SMUG1: variants seen among roughly 807,000 people sequenced by gnomAD.
SMUG1 encodes single-strand-selective monofunctional uracil-DNA glycosylase 1.
Under a neutral mutation model 23.9 loss-of-function variants are expected in SMUG1, and 13 were observed. The observed-to-expected ratio is 0.54, with a 90% CI of 0.35 to 0.86. SMUG1 has a LOEUF of 0.86. Ranked by LOEUF, SMUG1 falls within the 40% of genes least tolerant of loss-of-function variation. The pLI is 0.01. For synonymous variants in SMUG1, 133 were observed against 139.8 expected (o/e 0.95, Z 0.34); for missense variants, 313 against 339.5 (o/e 0.92, Z 0.61).
intron 3 of SMUG1, chr12:54,182,985 G>T: frequency 4.4e-6 from 1 of 229,334 alleles, no homozygotes. Context: ...GGAGGCACAA[G>T]GATGGGCTGA....
At chr12:54,178,728 C>G (rs1940812620), downstream of SMUG1, among the ~76,000 whole-genome samples, 1 of 152,356 alleles carries the variant, frequency 6.6e-6, no homozygotes, top group South Asian at 2.1e-4. Context: ...ACCTCTTCAT[C>G]TTTTTCTCCA....
chr12:54,186,053 T>G (rs1292896500), intron 2 of SMUG1, among the ~76,000 whole-genome samples: 1 of 152,158 alleles, frequency 6.6e-6, no homozygotes, highest in East Asian at 1.9e-4. Context: ...ATGCCTTTCC[T>G]GCCTCAACTC....
At chr12:54,159,203 G>A (rs375344042) in intron 4 of SMUG1, among the ~76,000 whole-genome samples, 64 of 152,028 alleles carry the variant, frequency 4.2e-4, no homozygotes, top group African/African-American at 1.4e-3. Context: ...ATAACAGCCC[G>A]GCGTCGAGCC....
At chr12:54,172,431 C>T in intron 2 of SMUG1, 1 of 210,210 alleles carries the variant, frequency 4.8e-6, no homozygotes, top group East Asian at 1.0e-4. Context: ...TATGTTGGGG[C>T]GCCTGAGCAG....
At chr12:54,161,796 G>A (rs1244352545), downstream of SMUG1, among the ~76,000 whole-genome samples, 4 of 152,220 alleles carry the variant, frequency 2.6e-5, no homozygotes, top group Non-Finnish European at 4.4e-5. This position sits in a 1 kb window ranked among gnomAD's most constrained non-coding sequence, Gnocchi z 4.2. Context: ...CTCAGAGGCA[G>A]AAAGTCCCCT....
chr12:54,176,170 G>A (rs1940744018), downstream of SMUG1, among the ~76,000 whole-genome samples: 1 of 151,524 alleles, frequency 6.6e-6, no homozygotes, highest in African/African-American at 2.4e-5. Context: ...AAGTTGTGGT[G>A]AGCCAAGATC....
downstream of SMUG1, among the ~76,000 whole-genome samples, chr12:54,175,590 A>C (rs373735877): frequency 3.0e-4 from 45 of 152,250 alleles, no homozygotes; most frequent in East Asian, 7.7e-3. Context: ...ACAGGCACAC[A>C]CACCTCCTCC....
At position 54,181,878 on chromosome 12, in the gene SMUG1, A is replaced by C; in HGVS notation, c.*218T>G. The C allele has an allele frequency of 7.0e-7, 1 of 1,423,276 alleles. No individual in the cohort carries two copies. The highest frequency in any genetic ancestry group is 9.1e-7 in the Non-Finnish European group (1 of 1,093,846). The allele number at this position is 1,423,276 out of a possible 1,614,324, so 88.2% of individuals were successfully genotyped here. A position where few individuals can be genotyped will look rare whatever the true frequency, so the allele number is the denominator to read the frequency against. On this transcript the variant is annotated 3_prime_UTR_variant, in exon 4 of 4. Coordinates refer to ENST00000682136, the MANE Select transcript of SMUG1 (RefSeq NM_001243787.2). ...GGGTCCCCTGAAAGGGGCAATGTTA[A>C]AAGGTAAAGAAAGCAGGAATCAGGA...
At chr12:54,177,663 A>G (rs1414999285), downstream of SMUG1, among the ~76,000 whole-genome samples, 3 of 152,136 alleles carry the variant, frequency 2.0e-5, no homozygotes, top group Non-Finnish European at 1.5e-5. Context: ...AGAGAAAAAA[A>G]AAAAACAATG....
downstream of SMUG1, chr12:54,163,036 G>T (rs1474626138): frequency 6.6e-6 from 1 of 152,250 alleles, no homozygotes; most frequent in Admixed American, 6.6e-5. Context: ...CCACTCCCTG[G>T]GGGCAGCCAC....
At chr12:54,183,615 G>C (rs1011763949) in intron 3 of SMUG1, 41 bp downstream of exon 3, 18 of 1,607,316 alleles carry the variant, frequency 1.1e-5, no homozygotes, top group Non-Finnish European at 1.4e-5. Context: ...CATCCACCTA[G>C]AACCCCCCAC....
In SMUG1 at chr12:54,183,652, T is replaced by A. The variant is rs757609773; in HGVS notation, c.285+4A>T. On this transcript the variant is annotated splice_donor_region_variant and intron_variant, in intron 3 of 3. Transcript: ENST00000682136. ...CCACCCACTGGGGAAGCCAAACCCT[T>A]TACCCCAGTCTGGGCCATGCCAAAA... 10 of 1,613,684 alleles carry A rather than the reference T, an allele frequency of 6.2e-6. No homozygotes were observed. Among genetic ancestry groups the A allele is most frequent in the Non-Finnish European group, 7.6e-6 (9 of 1,179,802 alleles).
At chr12:54,187,718 G>C (rs1404724241) in intron 2 of SMUG1, 101 bp downstream of exon 2, 1 of 152,078 alleles carries the variant, frequency 6.6e-6, no homozygotes, top group Non-Finnish European at 1.5e-5. Context: ...AGGTTCTCTT[G>C]AGCAACTCAT....
At chr12:54,169,331 T>C (rs1018142433) in intron 3 of SMUG1, among the ~76,000 whole-genome samples, 5 of 151,476 alleles carry the variant, frequency 3.3e-5, no homozygotes, top group African/African-American at 1.2e-4. Context: ...CCAGTGGAGA[T>C]TGTGAGATGA....
At chr12:54,182,686 C>T in intron 3 of SMUG1, 63 bp from the exon 4 acceptor site, 1 of 1,542,286 alleles carries the variant, frequency 6.5e-7, no homozygotes, top group East Asian at 2.3e-5. Flanking sequence ...GGGCTCTGGA[C>T]CAACTGACTT....
At chr12:54,177,694 ACT>A (rs1468313489), downstream of SMUG1, among the ~76,000 whole-genome samples, 1 of 151,880 alleles carries the variant, frequency 6.6e-6, no homozygotes, top group African/African-American at 2.4e-5. Flanking sequence ...CCCTAAGGAC[ACT>A]CTCATTTGCA....
rs1940555528 is a variant in SMUG1 at position 54,169,153 on chromosome 12, C to T, written c.*52+2872G>A. Among the ~76,000 whole-genome samples, 6 of 152,218 alleles carry T rather than the reference C, an allele frequency of 3.9e-5. No homozygotes were observed. The South Asian group carries it at 1.2e-3, about 32-fold the overall frequency. ...GGCAGACAGATTGGTTTGAAGGACA[C>T]AGGAATAGCAAGAAACACACAGCCC... On this transcript the variant is annotated intron_variant and NMD_transcript_variant, in intron 3 of 4. Transcript: ENST00000509864.
intron 2 of SMUG1, chr12:54,172,220 G>A (rs770557350): frequency 1.4e-5 from 6 of 417,242 alleles, no homozygotes; most frequent in Non-Finnish European, 3.0e-5. Flanking sequence ...TCTACGTGAT[G>A]TGGCTCCCCA....
chr12:54,166,873 C>T (rs946394015), intron 3 of SMUG1, among the ~76,000 whole-genome samples: 3 of 152,300 alleles, frequency 2.0e-5, no homozygotes, highest in South Asian at 2.1e-4. Flanking sequence ...AATGCTGCCC[C>T]TTCCCAGCAG....
Sources: allele counts gnomAD v4.1 joint callset (sites outside exome capture counted in the v4.1 genomes callset), GRCh38; gene constraint gnomAD v4.1.1; non-coding constraint Gnocchi (gnomAD v3.1); transcripts MANE v1.5; gene names NCBI Gene and HGNC (gene_info 2026-07-23, HGNC 2026-07-21).